TNFRSF25: variants seen among roughly 807,000 people sequenced by gnomAD.
The protein encoded by TNFRSF25 is TNF receptor superfamily member 25.
TNFRSF25 carries 28 observed loss-of-function variants against 49.4 expected under a neutral mutation model. The ratio of observed to expected loss-of-function variants is 0.57; its 90% CI spans 0.42 to 0.78. The LOEUF (loss-of-function observed/expected upper bound fraction) is 0.78. Among genes scored for constraint, TNFRSF25 ranks in the 30% least tolerant of loss-of-function variants. TNFRSF25 has a pLI of 0.00. For synonymous variants in TNFRSF25, 240 were observed against 234.2 expected (o/e 1.02, Z -0.23); for missense variants, 531 against 581.6 (o/e 0.91, Z 0.90).
Position 6,464,622 on chromosome 1 carries a change from G to C in TNFRSF25, c.393C>G (p.Val131=). ...WFVECQVSQC[V]SSSPFYCQPC... is the part of the protein sequence containing the mutation. ...GTTGGCAGTAGAAGGGTGAACTGCT[G>C]ACACATTGGCTGACCTGGCACTCCA... The change falls in exon 4 of 10, where the codon GTC becomes GTG. Residue 131 remains valine, a synonymous_variant. Transcript: ENST00000356876. 1 of 1,614,096 alleles carries C rather than the reference G, an allele frequency of 6.2e-7. No homozygotes were observed. Among genetic ancestry groups the C allele is most frequent in the Non-Finnish European group, 8.5e-7 (1 of 1,180,016 alleles).
In TNFRSF25 at chr1:6,462,278, A is replaced by G. The variant is rs778256657; in HGVS notation, c.745-104T>C. The G allele has an allele frequency of 3.4e-5, 48 of 1,421,676 alleles. No individual in the cohort carries two copies. Among genetic ancestry groups the G allele is most frequent in the Non-Finnish European group, 4.4e-5 (47 of 1,062,392 alleles). 88.1% of individuals were successfully genotyped at this position (1,421,676 alleles called of 1,614,324 possible). On this transcript the variant is annotated intron_variant, in intron 8 of 9. Coordinates refer to ENST00000356876, the MANE Select transcript of TNFRSF25 (RefSeq NM_003790.3). This position sits in a 1 kb window ranked among gnomAD's most constrained non-coding sequence, Gnocchi z 4.2. Reference sequence around the variant, plus strand: ...ACAGTCCCTGGTTCAGTCAGCAGACACCCCCGCAATGACACCTCCCACAGT... The same window carrying G: ...ACAGTCCCTGGTTCAGTCAGCAGACGCCCCCGCAATGACACCTCCCACAGT...
Position 6,461,867 on chromosome 1 carries a change from C to T in TNFRSF25, c.926-105G>A, listed in dbSNP as rs999717128. 3.4e-6 allele frequency: 5 copies of T among 1,456,062 alleles called. No individual in the cohort carries two copies. Among genetic ancestry groups the T allele is most frequent in the Admixed American group, 2.5e-5 (1 of 39,538 alleles). 90.2% of individuals were successfully genotyped at this position (1,456,062 alleles called of 1,614,324 possible). ...CCCCAGGGCTGAAGCCCGCTGGATC[C>T]GGTGGGTCAGGGCATAGGGCGGACT... is the stretch of plus-strand genomic sequence containing the variant. On this transcript the variant is annotated intron_variant, in intron 9 of 9. Transcript: ENST00000356876. The surrounding 1 kb of genome is among the most constrained non-coding windows in gnomAD (Gnocchi z 6.3).
intron 5 of TNFRSF25, chr1:6,463,532 T>C (rs2986756): frequency 0.012 from 2,371 of 197,642 alleles, 34 homozygotes; most frequent in African/African-American, 0.035. Context: ...CAAGACCATC[T>C]TGGCTAACAC....
chr1:6,462,297 CCA>C lies in TNFRSF25; in HGVS notation c.745-125_745-124del. The C allele has an allele frequency of 7.6e-7, 1 of 1,318,638 alleles. No individual in the cohort carries two copies. 81.7% of individuals were successfully genotyped at this position (1,318,638 alleles called of 1,614,324 possible). On this transcript the variant is annotated intron_variant, in intron 8 of 9. Transcript: ENST00000356876. The surrounding 1 kb of genome is among the most constrained non-coding windows in gnomAD (Gnocchi z 4.2). ...GCAGACACCCCCGCAATGACACCTCCCACAGTTGGCCCTGCTCTCACTGTAGC... is the reference window on the plus strand; with the variant it reads ...GCAGACACCCCCGCAATGACACCTCCCAGTTGGCCCTGCTCTCACTGTAGC...
intron 1 of TNFRSF25, 190 bp from the exon 2 acceptor site, chr1:6,465,750 G>C: frequency 7.0e-7 from 1 of 1,428,546 alleles, no homozygotes; most frequent in Non-Finnish European, 9.1e-7. Flanking sequence ...ACCAGGCTTC[G>C]GAGGGGGCGC....
In TNFRSF25 at chr1:6,462,221, G is replaced by T. The variant is rs369468450; in HGVS notation, c.745-47C>A. On this transcript the variant is annotated intron_variant, in intron 8 of 9. Transcript: ENST00000356876. This position sits in a 1 kb window ranked among gnomAD's most constrained non-coding sequence, Gnocchi z 4.2. The stretch of plus-strand genomic sequence containing the variant: ...AGGTCAGCCCTGCTTGCCAAGTAAG[G>T]CCCCTTACCCGCAGTGCCTCTCCAG... 23 of 1,556,144 alleles carry T rather than the reference G, an allele frequency of 1.5e-5. No individual in the cohort carries two copies. Among genetic ancestry groups the T allele is most frequent in the African/African-American group, 4.1e-5 (3 of 72,950 alleles).
chr1:6,462,586 C>T lies in TNFRSF25; in HGVS notation c.744+43G>A. 6.3e-7 allele frequency: 1 copy of T among 1,599,966 alleles called. No homozygotes were observed. Among genetic ancestry groups the T allele is most frequent in the Non-Finnish European group, 8.5e-7 (1 of 1,173,938 alleles). On this transcript the variant is annotated intron_variant, in intron 8 of 9. Transcript: ENST00000356876. This position sits in a 1 kb window ranked among gnomAD's most constrained non-coding sequence, Gnocchi z 4.2. ...GGGATCATAGTAAGGCTTGATCTTC[C>T]AGCTCCAGAAGGCAGCCCAGAATCA...
intron 3 of TNFRSF25, 27 bp downstream of exon 3, chr1:6,465,061 C>T: frequency 1.2e-6 from 2 of 1,600,036 alleles, no homozygotes; most frequent in Non-Finnish European, 1.7e-6. Context: ...TTAGGAACTC[C>T]CTGCCAAGCA....
In TNFRSF25 at chr1:6,462,266, C is replaced by T; in HGVS notation, c.745-92G>A. ...CTCCAGGAGGGGACAGTCCCTGGTT[C>T]AGTCAGCAGACACCCCCGCAATGAC... is the stretch of plus-strand genomic sequence containing the variant. On this transcript the variant is annotated intron_variant, in intron 8 of 9. Coordinates refer to ENST00000356876, the MANE Select transcript of TNFRSF25 (RefSeq NM_003790.3). The surrounding 1 kb of genome is among the most constrained non-coding windows in gnomAD (Gnocchi z 4.2). 6.8e-7 allele frequency: 1 copy of T among 1,468,414 alleles called. No individual in the cohort carries two copies. The highest frequency in any genetic ancestry group is 9.1e-7 in the Non-Finnish European group (1 of 1,096,494). The allele number at this position is 1,468,414 out of a possible 1,614,324, so 91.0% of individuals were successfully genotyped here. A position where few individuals can be genotyped will look rare whatever the true frequency, so the allele number is the denominator to read the frequency against.
chr1:6,462,374 C>G lies in TNFRSF25; in HGVS notation c.745-200G>C, dbSNP rs533825940. The G allele has an allele frequency of 6.3e-5, 73 of 1,162,942 alleles. 2 individuals carry two copies. In the South Asian group the frequency reaches 1.1e-3, roughly 18 times the overall value. 72.0% of individuals were successfully genotyped at this position (1,162,942 alleles called of 1,614,324 possible). On this transcript the variant is annotated intron_variant, in intron 8 of 9. Transcript: ENST00000356876. This position sits in a 1 kb window ranked among gnomAD's most constrained non-coding sequence, Gnocchi z 4.2. The stretch of plus-strand genomic sequence containing the variant: ...TGAGTCCCCTGCCCCCGCCTCCTTC[C>G]TCTTGTCCCCCAGCACCATGGGGCT...
At chr1:6,465,859 G>A (rs1644347489) in intron 1 of TNFRSF25, 2 of 1,423,238 alleles carry the variant, frequency 1.4e-6, no homozygotes, top group Non-Finnish European at 1.8e-6. Flanking sequence ...CACTGATAAT[G>A]CTCTGCCTGG....
rs1644198572 is a variant in TNFRSF25 at position 6,462,268 on chromosome 1, G to A, written c.745-94C>T. ...CCAGGAGGGGACAGTCCCTGGTTCA[G>A]TCAGCAGACACCCCCGCAATGACAC... On this transcript the variant is annotated intron_variant, in intron 8 of 9. Coordinates refer to ENST00000356876, the MANE Select transcript of TNFRSF25 (RefSeq NM_003790.3). The surrounding 1 kb of genome is among the most constrained non-coding windows in gnomAD (Gnocchi z 4.2). 6.9e-6 allele frequency: 10 copies of A among 1,458,608 alleles called. No individual in the cohort carries two copies. Among genetic ancestry groups the A allele is most frequent in the Middle Eastern group, 2.5e-4 (1 of 4,000 alleles). The allele number at this position is 1,458,608 out of a possible 1,614,324, so 90.4% of individuals were successfully genotyped here. A position where few individuals can be genotyped will look rare whatever the true frequency, so the allele number is the denominator to read the frequency against.
At chr1:6,465,718 A>C (rs1644338220) in intron 1 of TNFRSF25, 158 bp from the exon 2 acceptor site, 1 of 1,434,420 alleles carries the variant, frequency 7.0e-7, no homozygotes, top group South Asian at 1.5e-5. Flanking sequence ...GAGGAAACTA[A>C]CTTCCTTCCC....
intron 5 of TNFRSF25, chr1:6,463,964 T>C (rs1644258409): frequency 4.9e-6 from 1 of 203,912 alleles, no homozygotes; most frequent in African/African-American, 2.4e-5. Context: ...ATTTAATAGA[T>C]TTAATATTTA....
Position 6,462,249 on chromosome 1 carries a change from G to T in TNFRSF25, c.745-75C>A. 6.6e-7 allele frequency: 1 copy of T among 1,518,666 alleles called. No homozygotes were observed. The allele number at this position is 1,518,666 out of a possible 1,614,324, so 94.1% of individuals were successfully genotyped here. A position where few individuals can be genotyped will look rare whatever the true frequency, so the allele number is the denominator to read the frequency against. On this transcript the variant is annotated intron_variant, in intron 8 of 9. Coordinates refer to ENST00000356876, the MANE Select transcript of TNFRSF25 (RefSeq NM_003790.3). The surrounding 1 kb of genome is among the most constrained non-coding windows in gnomAD (Gnocchi z 4.2). ...CCTTACCCGCAGTGCCTCTCCAGGA[G>T]GGGACAGTCCCTGGTTCAGTCAGCA...
In TNFRSF25 at chr1:6,462,558, C is replaced by T; in HGVS notation, c.744+71G>A. The T allele has an allele frequency of 6.3e-7, 1 of 1,578,488 alleles. No homozygotes were observed. The highest frequency in any genetic ancestry group is 2.2e-5 in the East Asian group (1 of 44,670). On this transcript the variant is annotated intron_variant, in intron 8 of 9. Transcript: ENST00000356876. This position sits in a 1 kb window ranked among gnomAD's most constrained non-coding sequence, Gnocchi z 4.2. ...CCCGGTGCTGGCCGCGTGCCAAGCT[C>T]CAGGGATCATAGTAAGGCTTGATCT...
chr1:6,462,895 C>T lies in TNFRSF25; in HGVS notation c.674G>A (p.Arg225His), dbSNP rs373902133. Residue 225 changes from arginine (R) to histidine (H), a missense_variant, in exon 7 of 10, where the codon CGC (arginine) becomes CAC (histidine). Coordinates refer to ENST00000356876, the MANE Select transcript of TNFRSF25 (RefSeq NM_003790.3). The surrounding 1 kb of genome is among the most constrained non-coding windows in gnomAD (Gnocchi z 4.2). ...CAGGGGCTTGTGAGGCCAGCAGTGG[C>T]GGTATGTGTAGGTCAGGGTGGCCCC... ...LLGATLTYTY[R>H]HCWPHKPLVT... The T allele has an allele frequency of 8.0e-5, 129 of 1,607,922 alleles. No individual in the cohort carries two copies. In the East Asian group the frequency reaches 1.7e-3, roughly 21 times the overall value.
Position 6,462,248 on chromosome 1 carries a change from A to T in TNFRSF25, c.745-74T>A. 2.6e-6 allele frequency: 4 copies of T among 1,519,416 alleles called. No homozygotes were observed. Among genetic ancestry groups the T allele is most frequent in the Non-Finnish European group, 3.5e-6 (4 of 1,131,574 alleles). The allele number at this position is 1,519,416 out of a possible 1,614,324, so 94.1% of individuals were successfully genotyped here. On this transcript the variant is annotated intron_variant, in intron 8 of 9. Transcript: ENST00000356876. The surrounding 1 kb of genome is among the most constrained non-coding windows in gnomAD (Gnocchi z 4.2). Reference sequence around the variant, plus strand: ...CCCTTACCCGCAGTGCCTCTCCAGGAGGGGACAGTCCCTGGTTCAGTCAGC... The same window carrying T: ...CCCTTACCCGCAGTGCCTCTCCAGGTGGGGACAGTCCCTGGTTCAGTCAGC...
chr1:6,461,413 AG>A lies in TNFRSF25; in HGVS notation c.*20del. On this transcript the variant is annotated 3_prime_UTR_variant, in exon 10 of 10. Coordinates refer to ENST00000356876, the MANE Select transcript of TNFRSF25 (RefSeq NM_003790.3). This position sits in a 1 kb window ranked among gnomAD's most constrained non-coding sequence, Gnocchi z 6.3. ...TTCTGCAAGGGCCACCAGAGCGCCT[AG>A]GTGGCAAGTGGGCGCCGTGTCACGG... 6.7e-7 allele frequency: 1 copy of A among 1,485,496 alleles called. No homozygotes were observed. The highest frequency in any genetic ancestry group is 8.9e-7 in the Non-Finnish European group (1 of 1,118,658). The allele number at this position is 1,485,496 out of a possible 1,614,324, so 92.0% of individuals were successfully genotyped here. A position where few individuals can be genotyped will look rare whatever the true frequency, so the allele number is the denominator to read the frequency against.
Sources: allele counts gnomAD v4.1 joint callset, GRCh38; gene constraint gnomAD v4.1.1; non-coding constraint Gnocchi (gnomAD v3.1); transcripts MANE v1.5; gene names NCBI Gene and HGNC (gene_info 2026-07-23, HGNC 2026-07-21).